The following ATG16L1 variants were observed in gnomAD, a reference collection of about 807,000 sequenced individuals.
ATG16L1 encodes the protein autophagy related 16 like 1, also known as autophagy-related protein 16-1.
In ATG16L1, 37 loss-of-function variants were observed where a neutral mutation model predicts 88.5. The ratio of observed to expected loss-of-function variants is 0.42; its 90% CI spans 0.32 to 0.55. ATG16L1 has a LOEUF of 0.55. Ranked by LOEUF, ATG16L1 falls within the 20% of genes least tolerant of loss-of-function variation. ATG16L1 has a pLI of 0.13. For synonymous variants in ATG16L1, 301 were observed against 281.0 expected, an observed-to-expected ratio of 1.07 and a Z score of -0.71; for missense variants, 554 against 752.8, an observed-to-expected ratio of 0.74 and a Z score of 3.09.
chr2:233,294,596 T>C lies in ATG16L1; in HGVS notation c.*246T>C. The C allele has an allele frequency of 2.8e-6, 1 of 359,304 alleles. No homozygotes were observed. The highest frequency in any genetic ancestry group is 5.1e-6 in the Non-Finnish European group (1 of 194,760). 22.3% of individuals were successfully genotyped at this position (359,304 alleles called of 1,614,324 possible). A position where few individuals can be genotyped will look rare whatever the true frequency, so the allele number is the denominator to read the frequency against. ...GGTCACTTAGCAGAGGCTCAGGTTC[T>C]TGCCTTGGGAAACACTACTAGCTCT... On this transcript the variant is annotated 3_prime_UTR_variant, in exon 18 of 18. Transcript: ENST00000392017.
At chr2:233,255,717 A>C (rs1011635856) in intron 1 of ATG16L1, among the ~76,000 whole-genome samples, 47 of 152,324 alleles carry the variant, frequency 3.1e-4, no homozygotes, top group Middle Eastern at 3.4e-3. Flanking sequence ...GTACCTTTTT[A>C]TACTTGACTG....
intron 2 of ATG16L1, among the ~76,000 whole-genome samples, chr2:233,258,067 A>G (rs1288677896): frequency 1.3e-5 from 2 of 151,588 alleles, no homozygotes; most frequent in Non-Finnish European, 2.9e-5. Flanking sequence ...CTTGGTGTGT[A>G]TTGATAGAAT....
At chr2:233,282,647 C>T (rs1317694196) in intron 11 of ATG16L1, 35 bp from the exon 12 acceptor site, 2 of 1,583,066 alleles carry the variant, frequency 1.3e-6, no homozygotes, top group Non-Finnish European at 1.7e-6. Flanking sequence ...TCTGATTTGG[C>T]TAAAAATTGG....
At chr2:233,279,924 A>C (rs1486393395) in intron 10 of ATG16L1, among the ~76,000 whole-genome samples, 1 of 152,210 alleles carries the variant, frequency 6.6e-6, no homozygotes, top group Non-Finnish European at 1.5e-5. Context: ...TAAGCCAAAG[A>C]GATATTTCTT....
At chr2:233,269,978 C>CT (rs35705047) in intron 5 of ATG16L1, 24 bp from the exon 6 acceptor site, 56,510 of 1,392,206 alleles carry the variant, frequency 0.041, 2 homozygotes, top group South Asian at 0.053. Flanking sequence ...AAATGGTGGG[C>CT]TTTTTTTTTT....
chr2:233,293,959 C>T (rs1387082297), intron 17 of ATG16L1, among the ~76,000 whole-genome samples: 4 of 152,232 alleles, frequency 2.6e-5, no homozygotes, highest in Non-Finnish European at 4.4e-5. Flanking sequence ...GGCATGTGTA[C>T]TGTCTTTCCA....
At chr2:233,263,875 C>T in intron 3 of ATG16L1, 117 bp from the exon 4 acceptor site, 1 of 951,412 alleles carries the variant, frequency 1.1e-6, no homozygotes, top group Non-Finnish European at 1.6e-6. Flanking sequence ...CGCCTCGGCT[C>T]CTTGCTGTCA....
chr2:233,290,094 T>A, intron 13 of ATG16L1, 120 bp downstream of exon 13: 6 of 1,534,580 alleles, frequency 3.9e-6, no homozygotes, highest in Non-Finnish European at 5.4e-6. Flanking sequence ...TGGCTTCATG[T>A]TTAGAGGGGC....
At chr2:233,257,318 C>T (rs899666859) in intron 2 of ATG16L1, among the ~76,000 whole-genome samples, 4 of 152,004 alleles carry the variant, frequency 2.6e-5, no homozygotes, top group Non-Finnish European at 5.9e-5. Flanking sequence ...CTTGAGCCAC[C>T]GCGCCCAGCC....
intron 1 of ATG16L1, among the ~76,000 whole-genome samples, 198 bp from the exon 2 acceptor site, chr2:233,255,900 GAAAC>G (rs1009123768): frequency 7.2e-5 from 11 of 152,162 alleles, no homozygotes; most frequent in African/African-American, 2.7e-4. Context: ...TCCCAAGGTA[GAAAC>G]AAATAACTTC....
chr2:233,256,643 A>T (rs951089565), intron 2 of ATG16L1, among the ~76,000 whole-genome samples: 1 of 150,596 alleles, frequency 6.6e-6, no homozygotes, highest in Non-Finnish European at 1.5e-5. Flanking sequence ...TTTTTTCAAC[A>T]TACAAATGGT....
intron 2 of ATG16L1, among the ~76,000 whole-genome samples, chr2:233,261,400 TG>T (rs987302546): frequency 1.3e-5 from 2 of 152,020 alleles, no homozygotes; most frequent in African/African-American, 4.8e-5. Context: ...TTTTAAAAGG[TG>T]GGGGAGATTT....
At chr2:233,251,975 C>G in intron 1 of ATG16L1, 33 bp downstream of exon 1, 2 of 1,468,746 alleles carry the variant, frequency 1.4e-6, no homozygotes, top group Non-Finnish European at 1.8e-6. Context: ...GGGAGTGGGG[C>G]GGGCGGGCCC....
In ATG16L1 at chr2:233,272,954, C is replaced by G; in HGVS notation, c.708-12C>G. On this transcript the variant is annotated splice_polypyrimidine_tract_variant and intron_variant, in intron 6 of 17. Transcript: ENST00000392017. ...TCAGGAGAATCAAAGAATGTCTTGC[C>G]TTTCTTTCCAGGGATGATGACATTG... 1.2e-6 allele frequency: 2 copies of G among 1,609,956 alleles called. No homozygotes were observed. Among genetic ancestry groups the G allele is most frequent in the Non-Finnish European group, 1.7e-6 (2 of 1,176,288 alleles).
intron 5 of ATG16L1, among the ~76,000 whole-genome samples, chr2:233,267,154 G>A (rs1697659942): frequency 6.6e-6 from 1 of 152,214 alleles, no homozygotes; most frequent in Admixed American, 6.5e-5. Flanking sequence ...TTCGAGACCA[G>A]CCTGGCCAAC....
At chr2:233,290,410 T>C in intron 14 of ATG16L1, 57 bp downstream of exon 14, 1 of 1,359,288 alleles carries the variant, frequency 7.4e-7, no homozygotes, top group Non-Finnish European at 1.1e-6. Flanking sequence ...GTAATGGTTC[T>C]GTACATGGGT....
At position 233,294,344 on chromosome 2, in the gene ATG16L1, G is replaced by A; in HGVS notation, c.1818G>A (p.Gln606=). The A allele has an allele frequency of 6.2e-7, 1 of 1,613,526 alleles. No homozygotes were observed. The highest frequency in any genetic ancestry group is 8.5e-7 in the Non-Finnish European group (1 of 1,179,868). Residue 606 remains glutamine, a synonymous_variant, in exon 18 of 18, where the codon CAG becomes CAA. Transcript: ENST00000392017. ...DKGCKAVLWA[Q]Y is the part of the protein sequence containing the mutation. ...GATGCAAAGCTGTGCTGTGGGCACA[G>A]TACTGACGGGGCTCTCAGGGCTGGG... is the stretch of plus-strand genomic sequence containing the variant.
rs1697380436 is a variant in ATG16L1, at chr2:233,263,847, C to T, written c.316-145C>T. 4.7e-6 allele frequency: 3 copies of T among 642,118 alleles called. 1 individual carries two copies. The highest frequency in any genetic ancestry group is 3.8e-5 in the South Asian group (2 of 53,024). The allele number at this position is 642,118 out of a possible 1,614,324, so 39.8% of individuals were successfully genotyped here. On this transcript the variant is annotated intron_variant, in intron 3 of 17. Transcript: ENST00000392017. ...AACAGGGAGTGGCAGGGATAGTTCC[C>T]CTTTGTGTCCCCATAGGCGCCTCGG...
chr2:233,270,624 TTTG>T (rs1005381506), intron 6 of ATG16L1, among the ~76,000 whole-genome samples: 1 of 152,186 alleles, frequency 6.6e-6, no homozygotes, highest in Admixed American at 6.5e-5. Flanking sequence ...CGGTGGGGTT[TTTG>T]TTGTTGTTGT....
Sources: allele counts gnomAD v4.1 joint callset (sites outside exome capture counted in the v4.1 genomes callset), GRCh38; gene constraint gnomAD v4.1.1; transcripts MANE v1.5; gene names NCBI Gene and HGNC (gene_info 2026-07-23, HGNC 2026-07-21).